Variants in TMEM80 observed in about 807,000 individuals in gnomAD.
The protein encoded by TMEM80 is transmembrane protein 80.
A neutral mutation model predicts 13.6 loss-of-function variants in TMEM80; 16 were observed. The observed-to-expected ratio is 1.17, with a 90% CI of 0.79 to 1.78. TMEM80 has a LOEUF of 1.78. Ranked by LOEUF, TMEM80 falls within the 40% of genes most tolerant of loss-of-function variation. TMEM80 has a pLI of 0.00. For synonymous variants in TMEM80, 92 were observed against 89.5 expected, an observed-to-expected ratio of 1.03 and a Z score of -0.16; for missense variants, 167 against 184.6, an observed-to-expected ratio of 0.90 and a Z score of 0.55.
rs968619238 is a variant in TMEM80 at position 703,361 on chromosome 11, C to A, written c.*211C>A. Reference sequence around the variant, plus strand: ...GAGGCCCTGGTGTTGGGAACAGCTGCGGGGAGGGTAGGGACCAGACAGAAC... The same window carrying A: ...GAGGCCCTGGTGTTGGGAACAGCTGAGGGGAGGGTAGGGACCAGACAGAAC... On this transcript the variant is annotated 3_prime_UTR_variant, in exon 5 of 5. Coordinates refer to ENST00000397510, the MANE Select transcript of TMEM80 (RefSeq NM_001042463.3). 40 of 1,390,958 alleles carry A rather than the reference C, an allele frequency of 2.9e-5. No individual in the cohort carries two copies. The African/African-American group carries it at 5.0e-4, about 17-fold the overall frequency. The allele number at this position is 1,390,958 out of a possible 1,614,324, so 86.2% of individuals were successfully genotyped here.
Position 695,839 on chromosome 11 carries a change from G to A in TMEM80, c.12G>A (p.Pro4=). ...GCGGGGCGGGTAAGATGGCGGCCCC[G>A]CGGCGAGGTGAGCTCGGGCGGGGTG... The part of the protein sequence containing the change: MAA[P]RRGRGSSTVL... The change falls in exon 1 of 5, where the codon CCG becomes CCA. Residue 4 remains proline (P), a synonymous_variant. Transcript: ENST00000397510. 3 of 1,230,242 alleles carry A rather than the reference G, an allele frequency of 2.4e-6. No homozygotes were observed. The highest frequency in any genetic ancestry group is 4.0e-5 in the South Asian group (1 of 24,968). The allele number at this position is 1,230,242 out of a possible 1,614,324, so 76.2% of individuals were successfully genotyped here.
intron 2 of TMEM80, chr11:699,163 G>A (rs1861333922): frequency 1.9e-5 from 9 of 480,124 alleles, no homozygotes; most frequent in South Asian, 1.2e-4. Flanking sequence ...TGTCTCGGCC[G>A]CTAGTGGCAG....
rs1420536440 is a variant in TMEM80, at chr11:700,149, C to A, written c.47C>A (p.Ser16Ter). The A allele has an allele frequency of 1.2e-6, 2 of 1,614,100 alleles. No individual in the cohort carries two copies. The highest frequency in any genetic ancestry group is 2.2e-5 in the South Asian group (2 of 91,078). ...RGRGSSTVLS[S>*]VPLQMLFYLS... is the part of the protein sequence containing the mutation. ...TCCTTAACCACTCACCAGCTCTCTT[C>A]AGTTCCCCTTCAAATGCTGTTTTAT... The change falls in exon 3 of 5, where the codon TCA becomes TAA. Residue 16 changes from serine (S) to a stop codon, truncating the protein, a stop_gained. Transcript: ENST00000397510. LOFTEE classifies it high-confidence loss of function.
intron 1 of TMEM80, among the ~76,000 whole-genome samples, chr11:696,638 C>G (rs1378604902): frequency 6.8e-5 from 2 of 29,222 alleles, no homozygotes; most frequent in Non-Finnish European, 1.6e-4. Context: ...CGGTGGCGCA[C>G]CCCTGTGGGC....
chr11:695,818 G>A lies in TMEM80; in HGVS notation c.-10G>A. 1 of 1,232,090 alleles carries A rather than the reference G, an allele frequency of 8.1e-7. No individual in the cohort carries two copies. The highest frequency in any genetic ancestry group is 1.0e-6 in the Non-Finnish European group (1 of 987,068). The allele number at this position is 1,232,090 out of a possible 1,614,324, so 76.3% of individuals were successfully genotyped here. A position where few individuals can be genotyped will look rare whatever the true frequency, so the allele number is the denominator to read the frequency against. On this transcript the variant is annotated 5_prime_UTR_variant, in exon 1 of 5. Transcript: ENST00000397510. ...GGGATCGCGACGGACCGGCGGGCGG[G>A]GCGGGTAAGATGGCGGCCCCGCGGC...
chr11:699,468 C>T (rs1369948162), intron 2 of TMEM80: 3 of 154,180 alleles, frequency 1.9e-5, no homozygotes, highest in South Asian at 1.9e-4. Context: ...AAAAAGTGGC[C>T]GGGCGCAGTG....
At chr11:704,266 G>C, downstream of TMEM80, 1 of 727,314 alleles carries the variant, frequency 1.4e-6, no homozygotes, top group Non-Finnish European at 1.9e-6. Flanking sequence ...CTTCCGCTCG[G>C]TGGACTCCTG....
chr11:696,796 A>G (rs1186267159), intron 1 of TMEM80, among the ~76,000 whole-genome samples: 1 of 148,926 alleles, frequency 6.7e-6, no homozygotes, highest in East Asian at 2.0e-4. Context: ...TACCCCGGGG[A>G]AGGCCAGGCG....
intron 1 of TMEM80, among the ~76,000 whole-genome samples, chr11:696,551 G>T (rs2133447539): frequency 6.6e-6 from 1 of 152,290 alleles, no homozygotes; most frequent in South Asian, 2.1e-4. Flanking sequence ...AGCCGAGGCT[G>T]CAGGATCATT....
intron 1 of TMEM80, 134 bp downstream of exon 1, chr11:695,980 C>A: frequency 1.4e-6 from 1 of 730,152 alleles, no homozygotes; most frequent in Non-Finnish European, 1.9e-6. Context: ...GAGACAGCTC[C>A]GTCACCCCAT....
chr11:696,600 A>T (rs1006317814), intron 1 of TMEM80, among the ~76,000 whole-genome samples: 11 of 146,704 alleles, frequency 7.5e-5, no homozygotes, highest in African/African-American at 1.3e-4. Flanking sequence ...CCCCCTCTAT[A>T]AAAAAAAAAC....
chr11:703,207 C>T lies in TMEM80; in HGVS notation c.*57C>T. 2 of 1,524,384 alleles carry T rather than the reference C, an allele frequency of 1.3e-6. No individual in the cohort carries two copies. The highest frequency in any genetic ancestry group is 1.8e-6 in the Non-Finnish European group (2 of 1,129,320). The allele number at this position is 1,524,384 out of a possible 1,614,324, so 94.4% of individuals were successfully genotyped here. A position where few individuals can be genotyped will look rare whatever the true frequency, so the allele number is the denominator to read the frequency against. The stretch of plus-strand genomic sequence containing the variant: ...CCCTCCTCCTGGGCCTGACCAGTCC[C>T]CCAGCTGTCACCTCCCCATTCCTGG... On this transcript the variant is annotated 3_prime_UTR_variant, in exon 5 of 5. Coordinates refer to ENST00000397510, the MANE Select transcript of TMEM80 (RefSeq NM_001042463.3).
chr11:699,932 T>TC (rs1350992417), intron 2 of TMEM80: 1 of 536,412 alleles, frequency 1.9e-6, no homozygotes, highest in Non-Finnish European at 3.3e-6. Flanking sequence ...TGGAGGGGGG[T>TC]CCCACAAAGG....
chr11:696,666 T>C (rs562282179), intron 1 of TMEM80, among the ~76,000 whole-genome samples: 21 of 140,970 alleles, frequency 1.5e-4, no homozygotes, highest in Admixed American at 5.8e-4. Flanking sequence ...TTCTGGAGGC[T>C]GAGGCTGGCG....
intron 4 of TMEM80, chr11:701,036 C>T (rs1861434024): frequency 2.5e-6 from 1 of 400,728 alleles, no homozygotes; most frequent in African/African-American, 2.0e-5. Flanking sequence ...ACCAGCACCC[C>T]TTTCCTTCCC....
chr11:695,806 A>G (rs1861108101), upstream of TMEM80: 2 of 1,234,092 alleles, frequency 1.6e-6, no homozygotes, highest in South Asian at 3.9e-5. Flanking sequence ...ATCGCGACGG[A>G]CCGGCGGGCG....
At chr11:704,291 C>T (rs182028321), downstream of TMEM80, 16,266 of 678,754 alleles carry the variant, frequency 0.024, 332 homozygotes, top group South Asian at 0.061. Context: ...CAGGAGGCTG[C>T]GGGACTGTCC....
chr11:703,937 T>A lies in TMEM80; in HGVS notation c.*787T>A, dbSNP rs1861612179. 2.4e-6 allele frequency: 3 copies of A among 1,244,628 alleles called. No individual in the cohort carries two copies. The highest frequency in any genetic ancestry group is 3.9e-5 in the Admixed American group (1 of 25,972). The allele number at this position is 1,244,628 out of a possible 1,614,324, so 77.1% of individuals were successfully genotyped here. On this transcript the variant is annotated 3_prime_UTR_variant, in exon 5 of 5. Transcript: ENST00000397510. Reference sequence around the variant, plus strand: ...TTTGCACGGAGTGCTAAACAAATTCTAGCTCTGTGTTTTTTTCCCATTCCC... The same window carrying A: ...TTTGCACGGAGTGCTAAACAAATTCAAGCTCTGTGTTTTTTTCCCATTCCC...
chr11:701,698 C>T (rs537107196), intron 4 of TMEM80, among the ~76,000 whole-genome samples: 10 of 152,044 alleles, frequency 6.6e-5, no homozygotes, highest in South Asian at 2.1e-4. Flanking sequence ...CGTGAGCCAC[C>T]GCGCCCGGCC....
Sources: allele counts gnomAD v4.1 joint callset (sites outside exome capture counted in the v4.1 genomes callset), GRCh38; gene constraint gnomAD v4.1.1; transcripts MANE v1.5; gene names NCBI Gene and HGNC (gene_info 2026-07-23, HGNC 2026-07-21).